SPHKAP: variants seen among roughly 807,000 people sequenced by gnomAD.
SPHKAP encodes SPHK1 interactor, AKAP domain containing.
In SPHKAP, 67 loss-of-function variants were observed where a neutral mutation model predicts 137.5. That is an observed-to-expected ratio of 0.49 (90% CI 0.40 to 0.60). The LOEUF (loss-of-function observed/expected upper bound fraction) is 0.60, where lower values mean the gene tolerates loss of function less well. Among genes scored for constraint, SPHKAP ranks in the 20% least tolerant of loss-of-function variants. The pLI, the probability that SPHKAP is intolerant of heterozygous loss-of-function variation, is 0.00. For missense variants in SPHKAP, 2,097 were observed against 2,069.3 expected (o/e 1.01, Z -0.26); for synonymous variants, 813 against 785.3 (o/e 1.04, Z -0.59).
At chr2:228,157,464 AT>A (rs1700139491) in intron 1 of SPHKAP, among the ~76,000 whole-genome samples, 1 of 152,246 alleles carries the variant, frequency 6.6e-6, no homozygotes, top group African/African-American at 2.4e-5. Flanking sequence ...ATATTTGAAT[AT>A]TCCAAGGTTT....
chr2:228,109,817 G>A (rs931595128), intron 2 of SPHKAP, among the ~76,000 whole-genome samples: 1 of 151,706 alleles, frequency 6.6e-6, no homozygotes, highest in Non-Finnish European at 1.5e-5. Flanking sequence ...CATACAAAAA[G>A]TTGGCCAGGC....
rs1333356688 is a variant in SPHKAP at position 227,980,587 on chromosome 2, A to G, written c.*1130T>C. On this transcript the variant is annotated 3_prime_UTR_variant, in exon 12 of 12. Transcript: ENST00000392056. ...AATCTCTGTTATTAAAATAACTAAA[A>G]TGTGTCAAAGTCTTCTTTTCCCCCA... 6.6e-6 allele frequency: 1 copy of G among 152,208 alleles called. No individual in the cohort carries two copies. Among genetic ancestry groups the G allele is most frequent in the Non-Finnish European group, 1.5e-5 (1 of 68,026 alleles). The allele number at this position is 152,208 out of a possible 1,614,324, so 9.4% of individuals were successfully genotyped here. A position where few individuals can be genotyped will look rare whatever the true frequency, so the allele number is the denominator to read the frequency against.
At chr2:228,166,080 G>A (rs1222425197) in intron 1 of SPHKAP, among the ~76,000 whole-genome samples, 2 of 152,108 alleles carry the variant, frequency 1.3e-5, no homozygotes, top group Non-Finnish European at 2.9e-5. Context: ...AAATCCACGA[G>A]GACTATGACA....
chr2:228,015,792 C>T (rs994886007), intron 7 of SPHKAP, among the ~76,000 whole-genome samples: 1 of 151,342 alleles, frequency 6.6e-6, no homozygotes, highest in African/African-American at 2.4e-5. Context: ...TAGAAAAAGA[C>T]AAAAAACAAA....
chr2:228,097,868 T>C (rs1698041019), intron 3 of SPHKAP, among the ~76,000 whole-genome samples: 2 of 152,352 alleles, frequency 1.3e-5, no homozygotes, highest in South Asian at 4.1e-4. Flanking sequence ...CACATTTTCT[T>C]TACCCAGTCC....
rs745842875 is a variant in SPHKAP at position 228,027,570 on chromosome 2, G to C, written c.247-27C>G. 14 of 1,610,556 alleles carry C rather than the reference G, an allele frequency of 8.7e-6. No individual in the cohort carries two copies. The South Asian group carries it at 1.4e-4, about 16-fold the overall frequency. On this transcript the variant is annotated intron_variant, in intron 3 of 11. Transcript: ENST00000392056. ...TGGGAAAAGAGGGCAAAAATAGTAC[G>C]TTAAAGTCAAAAACCTGACTGTCTT...
chr2:228,179,345 A>T (rs1198330203), intron 1 of SPHKAP, among the ~76,000 whole-genome samples: 1 of 152,184 alleles, frequency 6.6e-6, no homozygotes, highest in African/African-American at 2.4e-5. Flanking sequence ...TTAAAATGCA[A>T]TGTTTTGTGA....
intron 3 of SPHKAP, among the ~76,000 whole-genome samples, chr2:228,065,441 A>G (rs1295603472): frequency 6.6e-6 from 1 of 152,202 alleles, no homozygotes; most frequent in Non-Finnish European, 1.5e-5. Context: ...GTTTCTATGG[A>G]CTGCTGAGAG....
intron 7 of SPHKAP, among the ~76,000 whole-genome samples, chr2:228,003,658 C>G (rs1693999719): frequency 6.6e-6 from 1 of 152,164 alleles, no homozygotes; most frequent in Non-Finnish European, 1.5e-5. Flanking sequence ...AAAGGGAATA[C>G]TTCCAGTTTT....
At chr2:228,016,164 A>AT (rs113826244) in intron 7 of SPHKAP, among the ~76,000 whole-genome samples, 327 of 148,430 alleles carry the variant, frequency 2.2e-3, no homozygotes, top group African/African-American at 6.5e-3. Flanking sequence ...CTAGGAGATC[A>AT]TTTTTTTTTT....
intron 3 of SPHKAP, among the ~76,000 whole-genome samples, chr2:228,082,829 T>C (rs1270013961): frequency 3.9e-5 from 6 of 152,186 alleles, no homozygotes; most frequent in African/African-American, 1.4e-4. Context: ...CCACCTAATG[T>C]GCTTAGGAGA....
At chr2:228,169,108 G>A (rs1700506619) in intron 1 of SPHKAP, among the ~76,000 whole-genome samples, 1 of 152,192 alleles carries the variant, frequency 6.6e-6, no homozygotes, top group Non-Finnish European at 1.5e-5. Flanking sequence ...GTTGGTTCAT[G>A]AGGTTTAACG....
intron 2 of SPHKAP, among the ~76,000 whole-genome samples, chr2:228,118,006 G>T (rs181929001): frequency 6.6e-6 from 1 of 151,826 alleles, no homozygotes; most frequent in African/African-American, 2.4e-5. Context: ...GATCTGATTT[G>T]TATCCCTACA....
intron 7 of SPHKAP, among the ~76,000 whole-genome samples, chr2:228,004,883 A>G (rs1694064538): frequency 6.6e-6 from 1 of 152,042 alleles, no homozygotes; most frequent in Admixed American, 6.6e-5. Flanking sequence ...GAGTTTCTTA[A>G]TCCTGAGTTC....
chr2:228,060,898 G>A (rs2106286398), intron 3 of SPHKAP, among the ~76,000 whole-genome samples: 1 of 152,288 alleles, frequency 6.6e-6, no homozygotes, highest in East Asian at 1.9e-4. Context: ...AAGGACCATG[G>A]AAATAGGTGG....
intron 3 of SPHKAP, among the ~76,000 whole-genome samples, chr2:228,087,060 A>G (rs1697561719): frequency 1.3e-5 from 2 of 152,114 alleles, no homozygotes; most frequent in Admixed American, 6.5e-5. Flanking sequence ...GAGGTCAAAC[A>G]TTCAGGGGCA....
chr2:228,024,877 T>A (rs1289149923), intron 5 of SPHKAP, among the ~76,000 whole-genome samples: 1 of 152,190 alleles, frequency 6.6e-6, no homozygotes, highest in Non-Finnish European at 1.5e-5. Flanking sequence ...AGTTACTGTT[T>A]ATTTTTAATA....
At chr2:228,173,657 C>T (rs1700652560) in intron 1 of SPHKAP, among the ~76,000 whole-genome samples, 1 of 152,148 alleles carries the variant, frequency 6.6e-6, no homozygotes, top group African/African-American at 2.4e-5. Flanking sequence ...TCCTGCGAAA[C>T]CTCCAGAAAG....
chr2:228,123,463 A>G (rs556195999), intron 2 of SPHKAP, among the ~76,000 whole-genome samples: 11 of 152,256 alleles, frequency 7.2e-5, no homozygotes, highest in Non-Finnish European at 1.2e-4. Flanking sequence ...AATAAGCTCA[A>G]TAATGCTGAT....
Sources: allele counts gnomAD v4.1 joint callset (sites outside exome capture counted in the v4.1 genomes callset), GRCh38; gene constraint gnomAD v4.1.1; transcripts MANE v1.5; gene names NCBI Gene and HGNC (gene_info 2026-07-23, HGNC 2026-07-21).